Variants in PRKCZ observed in about 807,000 individuals in gnomAD.
PRKCZ encodes protein kinase C zeta type.
In PRKCZ, 33 loss-of-function variants were observed where a neutral mutation model predicts 79.5. The observed-to-expected ratio is 0.41, with a 90% confidence interval of 0.31 to 0.55. The LOEUF (loss-of-function observed/expected upper bound fraction) is 0.55. Ranked by LOEUF, PRKCZ falls within the 20% of genes least tolerant of loss-of-function variation. The pLI, the probability that PRKCZ is intolerant of heterozygous loss-of-function variation, is 0.19. For missense variants in PRKCZ, 578 were observed against 813.5 expected (o/e 0.71, Z 3.52); for synonymous variants, 342 against 320.9 (o/e 1.07, Z -0.70).
At position 2,055,449 on chromosome 1, in the gene PRKCZ, T is replaced by A; in HGVS notation, c.80T>A (p.Phe27Tyr). The change falls in exon 2 of 18, where the codon TTC becomes TAC. Residue 27 changes from phenylalanine (F) to tyrosine (Y), a missense_variant. By Grantham distance (22) the Phe-to-Tyr change is conservative. Coordinates refer to ENST00000378567, the MANE Select transcript of PRKCZ (RefSeq NM_002744.6). The stretch of plus-strand genomic sequence containing the variant: ...TGTCCCCTCTGCCCCAGGGACATCT[T>A]CATCACCAGCGTGGACGCCGCCACG... ...RLKAHYGGDIFITSVDAATTF... is the reference protein window; with the variant it reads ...RLKAHYGGDIYITSVDAATTF... 1 of 1,612,668 alleles carries A rather than the reference T, an allele frequency of 6.2e-7. No individual in the cohort carries two copies. The highest frequency in any genetic ancestry group is 8.5e-7 in the Non-Finnish European group (1 of 1,179,198).
intron 4 of PRKCZ, among the ~76,000 whole-genome samples, chr1:2,073,130 T>C (rs1338458990): frequency 6.6e-6 from 1 of 152,056 alleles, no homozygotes; most frequent in African/African-American, 2.4e-5. Context: ...GCACAGCCCG[T>C]GAGGTCTGGT....
At chr1:2,071,469 C>T (rs184297641) in intron 4 of PRKCZ, 78 of 219,560 alleles carry the variant, frequency 3.6e-4, no homozygotes, top group South Asian at 7.4e-4. Flanking sequence ...AGCCTATCAA[C>T]GGATGCCTGT....
At chr1:2,092,680 C>T (rs1237968198) in intron 4 of PRKCZ, among the ~76,000 whole-genome samples, 1 of 152,154 alleles carries the variant, frequency 6.6e-6, no homozygotes, top group Non-Finnish European at 1.5e-5. Flanking sequence ...TTTTAGCTGG[C>T]CTGTTTTTGT....
chr1:2,132,047 G>C (rs547754661), intron 4 of PRKCZ, among the ~76,000 whole-genome samples: 12 of 152,326 alleles, frequency 7.9e-5, no homozygotes, highest in African/African-American at 2.6e-4. Context: ...TCCTGACCTT[G>C]TGATCTGCCC....
intron 4 of PRKCZ, among the ~76,000 whole-genome samples, chr1:2,102,204 C>G (rs567614841): frequency 1.7e-4 from 26 of 152,288 alleles, no homozygotes; most frequent in Non-Finnish European, 3.5e-4. Context: ...ACCTCCACAC[C>G]AGTTCAGCCC....
chr1:2,153,488 C>T (rs890958364), intron 9 of PRKCZ, among the ~76,000 whole-genome samples: 3 of 152,174 alleles, frequency 2.0e-5, no homozygotes, highest in Non-Finnish European at 2.9e-5. Flanking sequence ...CCCAGCAGGG[C>T]GTGTCTGTGC....
intron 4 of PRKCZ, among the ~76,000 whole-genome samples, chr1:2,078,078 T>C (rs2459987): frequency 0.12 from 18,086 of 152,210 alleles, 3,499 homozygotes; most frequent in African/African-American, 0.4. Flanking sequence ...CTCCCACCGA[T>C]GCCTGCCTCA....
At chr1:2,089,757 C>T (rs77011136) in intron 4 of PRKCZ, among the ~76,000 whole-genome samples, 4,364 of 152,188 alleles carry the variant, frequency 0.029, 208 homozygotes, top group African/African-American at 0.1. Flanking sequence ...AGCAACGTAC[C>T]ACAGATGGCG....
At chr1:2,143,983 T>A (rs1677951284) in intron 5 of PRKCZ, 1 of 547,028 alleles carries the variant, frequency 1.8e-6, no homozygotes, top group Non-Finnish European at 3.2e-6. Flanking sequence ...AGAGCAGGGT[T>A]CCAGGCCTCT....
Position 2,055,473 on chromosome 1 carries a change from C to G in PRKCZ, c.104C>G (p.Thr35Arg). The G allele has an allele frequency of 6.2e-7, 1 of 1,613,890 alleles. No individual in the cohort carries two copies. Residue 35 changes from threonine (T) to arginine (R), a missense_variant, in exon 2 of 18, where the codon ACG (threonine) becomes AGG (arginine). By Grantham distance (71) the Thr-to-Arg change is moderately conservative. This residue lies in a region of PRKCZ where 228 missense variants were observed against 211.6 expected (regional missense o/e 1.08). Coordinates refer to ENST00000378567, the MANE Select transcript of PRKCZ (RefSeq NM_002744.6). ...TTCATCACCAGCGTGGACGCCGCCA[C>G]GACCTTCGAGGAGCTCTGTGAGGAA... ...DIFITSVDAA[T>R]TFEELCEEVR... is the part of the protein sequence containing the mutation.
rs761529269 is a variant in PRKCZ at position 2,082,471 on chromosome 1, G to C, written c.334+22880G>C. On this transcript the variant is annotated intron_variant, in intron 4 of 17. Transcript: ENST00000378567. This position sits in a 1 kb window ranked among gnomAD's most constrained non-coding sequence, Gnocchi z 4.4. ...CTGTAATTTCATTCTGTGAGTGTAA[G>C]ATCACGTCCGCGTTCCTAGCGACCG... 1 of 454,398 alleles carries C rather than the reference G, an allele frequency of 2.2e-6. No homozygotes were observed. Among genetic ancestry groups the C allele is most frequent in the Admixed American group, 2.4e-5 (1 of 42,366 alleles). 28.1% of individuals were successfully genotyped at this position (454,398 alleles called of 1,614,324 possible). A position where few individuals can be genotyped will look rare whatever the true frequency, so the allele number is the denominator to read the frequency against.
At chr1:2,108,911 C>T (rs551882670) in intron 4 of PRKCZ, among the ~76,000 whole-genome samples, 4 of 152,312 alleles carry the variant, frequency 2.6e-5, no homozygotes, top group African/African-American at 7.2e-5. Flanking sequence ...TGGGTTCTTT[C>T]TGGGGGCTCC....
intron 4 of PRKCZ, among the ~76,000 whole-genome samples, chr1:2,096,269 G>A (rs767704698): frequency 1.3e-5 from 2 of 151,946 alleles, no homozygotes; most frequent in Non-Finnish European, 2.9e-5. Flanking sequence ...GGAGGCGCAC[G>A]GCAGCATGAT....
intron 4 of PRKCZ, among the ~76,000 whole-genome samples, chr1:2,060,678 C>T (rs558436392): frequency 6.6e-6 from 1 of 152,354 alleles, no homozygotes; most frequent in East Asian, 1.9e-4. Flanking sequence ...GGCCGAGGAG[C>T]CATCCGGAGG....
At chr1:2,071,156 G>T (rs1571157252) in intron 4 of PRKCZ, 2 of 236,450 alleles carry the variant, frequency 8.5e-6, no homozygotes, top group East Asian at 1.6e-4. Flanking sequence ...GTGACTTCAG[G>T]CATGTGGGTG....
intron 4 of PRKCZ, among the ~76,000 whole-genome samples, chr1:2,076,467 G>T (rs1308886313): frequency 6.6e-6 from 1 of 152,228 alleles, no homozygotes; most frequent in Non-Finnish European, 1.5e-5. Flanking sequence ...TTCAGGCCAG[G>T]CACAGTGGCT....
chr1:2,169,619 AC>A lies in PRKCZ; in HGVS notation c.1061+16del. ...GAGCACGCCAGGTGGGTGCGCGTGG[AC>A]GGGGCCGGGTGGGTGCGCCCGGAGT... On this transcript the variant is annotated intron_variant, in intron 11 of 17. Transcript: ENST00000378567. 1 of 1,390,932 alleles carries A rather than the reference AC, an allele frequency of 7.2e-7. No homozygotes were observed. 86.2% of individuals were successfully genotyped at this position (1,390,932 alleles called of 1,614,324 possible). A position where few individuals can be genotyped will look rare whatever the true frequency, so the allele number is the denominator to read the frequency against.
At chr1:2,157,339 C>G (rs1183578774) in intron 10 of PRKCZ, among the ~76,000 whole-genome samples, 1 of 152,142 alleles carries the variant, frequency 6.6e-6, no homozygotes, top group Non-Finnish European at 1.5e-5. Flanking sequence ...TTCACCATCA[C>G]GAGCATAAGG....
chr1:2,097,211 G>C (rs1257840577), intron 4 of PRKCZ, among the ~76,000 whole-genome samples: 1 of 152,186 alleles, frequency 6.6e-6, no homozygotes, highest in African/African-American at 2.4e-5. Context: ...CAGTGTCCAT[G>C]CCCAGAGGTT....
Sources: gnomAD v4.1 joint callset for allele counts (sites outside exome capture counted in the v4.1 genomes callset) on GRCh38, gnomAD v4.1.1 for gene constraint, gnomAD v4.1.1 regional missense constraint, Gnocchi (gnomAD v3.1) non-coding constraint, MANE v1.5 for transcripts, NCBI Gene and HGNC (gene_info 2026-07-23, HGNC 2026-07-21) for gene names.